The following CAMK1D variants were observed in gnomAD, a reference collection of about 807,000 sequenced individuals.
CAMK1D encodes the protein calcium/calmodulin-dependent protein kinase type 1D.
Under a neutral mutation model 47.7 loss-of-function variants are expected in CAMK1D, and 9 were observed. The ratio of observed to expected loss-of-function variants is 0.19; its 90% confidence interval spans 0.11 to 0.33. The LOEUF is 0.33. CAMK1D is among the 10% of genes least tolerant of loss of function. The probability of loss-of-function intolerance (pLI) is 1.00; values close to 1 mark genes in which losing one functional copy is unlikely to be tolerated. For missense variants in CAMK1D, 291 were observed against 488.7 expected (o/e 0.60, Z 3.81); for synonymous variants, 184 against 184.9 (o/e 0.99, Z 0.04).
At chr10:12,662,429 G>A (rs551578428) in intron 2 of CAMK1D, among the ~76,000 whole-genome samples, 3 of 152,272 alleles carry the variant, frequency 2.0e-5, no homozygotes, top group East Asian at 3.9e-4. Flanking sequence ...CGAGATGGGC[G>A]GATCACGAGG....
chr10:12,379,882 A>G (rs1033818376), intron 1 of CAMK1D, among the ~76,000 whole-genome samples: 5 of 152,124 alleles, frequency 3.3e-5, no homozygotes, highest in African/African-American at 1.2e-4. Flanking sequence ...CAGAAAGTGG[A>G]TGGATCAGTA....
chr10:12,690,529 A>G (rs1295308806), intron 3 of CAMK1D, among the ~76,000 whole-genome samples: 1 of 152,132 alleles, frequency 6.6e-6, no homozygotes, highest in African/African-American at 2.4e-5. Flanking sequence ...AGATAAACAT[A>G]TATGTAACAC....
intron 6 of CAMK1D, among the ~76,000 whole-genome samples, chr10:12,794,814 T>C (rs1838126087): frequency 6.6e-6 from 1 of 152,180 alleles, no homozygotes; most frequent in Non-Finnish European, 1.5e-5. Flanking sequence ...CTATGGGTGA[T>C]AGGTCAAATC....
intron 1 of CAMK1D, among the ~76,000 whole-genome samples, chr10:12,509,124 CA>C (rs1373703736): frequency 5.3e-5 from 8 of 152,312 alleles, no homozygotes; most frequent in Non-Finnish European, 7.3e-5. Flanking sequence ...AGAGAGAGGT[CA>C]GGGGGGAACC....
intron 3 of CAMK1D, among the ~76,000 whole-genome samples, chr10:12,745,788 G>C (rs1835645858): frequency 6.6e-6 from 1 of 152,046 alleles, no homozygotes; most frequent in Non-Finnish European, 1.5e-5. Flanking sequence ...ATTTTTAGTA[G>C]AGATGGGATT....
chr10:12,715,749 G>GTCTC (rs200467842), intron 3 of CAMK1D, among the ~76,000 whole-genome samples: 1,517 of 139,492 alleles, frequency 0.011, 23 homozygotes, highest in African/African-American at 0.037. Context: ...TTTAGATGAA[G>GTCTC]TCTCTCTCTC....
At chr10:12,728,091 A>G (rs1484796741) in intron 3 of CAMK1D, among the ~76,000 whole-genome samples, 1 of 152,142 alleles carries the variant, frequency 6.6e-6, no homozygotes, top group African/African-American at 2.4e-5. Flanking sequence ...TATCCTGACA[A>G]ATGTGTCAAA....
chr10:12,636,709 G>A (rs1471360648), intron 2 of CAMK1D, among the ~76,000 whole-genome samples: 6 of 152,132 alleles, frequency 3.9e-5, no homozygotes, highest in African/African-American at 1.2e-4. Context: ...AGCAGATGTC[G>A]GAATGGGCAT....
At chr10:12,771,661 A>G (rs925574734) in intron 5 of CAMK1D, among the ~76,000 whole-genome samples, 2 of 152,222 alleles carry the variant, frequency 1.3e-5, no homozygotes, top group African/African-American at 2.4e-5. Flanking sequence ...TGTGGACACC[A>G]TCGCAGGGGG....
intron 1 of CAMK1D, among the ~76,000 whole-genome samples, chr10:12,371,709 A>T (rs1156526337): frequency 1.3e-5 from 2 of 151,486 alleles, no homozygotes; most frequent in African/African-American, 4.8e-5. Context: ...CAGCCTGGCC[A>T]AGATGGTGAA....
intron 3 of CAMK1D, among the ~76,000 whole-genome samples, chr10:12,749,174 TA>T (rs1482603835): frequency 2.0e-5 from 3 of 152,196 alleles, no homozygotes; most frequent in African/African-American, 7.2e-5. Context: ...AATTGCAACC[TA>T]AATTTCAGGA....
chr10:12,767,796 A>G (rs981839498), intron 4 of CAMK1D, among the ~76,000 whole-genome samples: 5 of 152,252 alleles, frequency 3.3e-5, no homozygotes, highest in African/African-American at 1.2e-4. Context: ...AGTCTGGCTC[A>G]GTGAAACAAT....
intron 3 of CAMK1D, among the ~76,000 whole-genome samples, chr10:12,732,047 G>A (rs1371033415): frequency 6.6e-6 from 1 of 152,136 alleles, no homozygotes; most frequent in Non-Finnish European, 1.5e-5. Context: ...TTTGAGAACA[G>A]CCTGACCAGC....
chr10:12,394,263 G>A (rs1020418871), intron 1 of CAMK1D, among the ~76,000 whole-genome samples: 6 of 152,066 alleles, frequency 3.9e-5, no homozygotes, highest in African/African-American at 9.7e-5. Flanking sequence ...CGTCCTCTCC[G>A]GGTGCCCCAC....
intron 2 of CAMK1D, among the ~76,000 whole-genome samples, chr10:12,633,947 C>T (rs902777012): frequency 2.0e-5 from 3 of 152,146 alleles, no homozygotes; most frequent in South Asian, 2.1e-4. Context: ...GGCCGTGGTC[C>T]GTGGAGTTTG....
intron 2 of CAMK1D, among the ~76,000 whole-genome samples, chr10:12,616,618 C>G (rs1160608575): frequency 1.3e-5 from 2 of 152,030 alleles, no homozygotes; most frequent in Non-Finnish European, 2.9e-5. Context: ...CCCGGGTTCA[C>G]GCCATTCTCC....
At chr10:12,419,228 C>T (rs1839962130) in intron 1 of CAMK1D, among the ~76,000 whole-genome samples, 1 of 151,956 alleles carries the variant, frequency 6.6e-6, no homozygotes, top group African/African-American at 2.4e-5. Flanking sequence ...CATGAATACT[C>T]ACCCCTACTT....
chr10:12,551,660 C>T (rs1341708313), intron 1 of CAMK1D, among the ~76,000 whole-genome samples: 3 of 152,098 alleles, frequency 2.0e-5, no homozygotes, highest in Admixed American at 1.3e-4. Flanking sequence ...ATCGCTTGAA[C>T]CTGAGAGGCA....
intron 1 of CAMK1D, among the ~76,000 whole-genome samples, chr10:12,501,985 A>G (rs1394836772): frequency 1.3e-5 from 2 of 152,086 alleles, no homozygotes; most frequent in Non-Finnish European, 2.9e-5. Flanking sequence ...AGAGTAGGGG[A>G]AGCCTGGACT....
Sources: gnomAD v4.1 joint callset for allele counts (sites outside exome capture counted in the v4.1 genomes callset) on GRCh38, gnomAD v4.1.1 for gene constraint, MANE v1.5 for transcripts, NCBI Gene and HGNC (gene_info 2026-07-23, HGNC 2026-07-21) for gene names.